The following SLC8A3 variants were observed in gnomAD, a reference collection of about 807,000 sequenced individuals.
The protein encoded by SLC8A3 is sodium/calcium exchanger 3.
In SLC8A3, 37 loss-of-function variants were observed where a neutral mutation model predicts 65.4. The ratio of observed to expected loss-of-function variants is 0.57; its 90% CI spans 0.44 to 0.74. SLC8A3 has a LOEUF of 0.74. Among genes scored for constraint, SLC8A3 ranks in the 30% least tolerant of loss-of-function variants. The pLI is 0.00. For synonymous variants in SLC8A3, 461 were observed against 444.5 expected (o/e 1.04, Z -0.47); for missense variants, 1,112 against 1,172.1 (o/e 0.95, Z 0.75).
chr14:70,046,105 T>C lies in SLC8A3; in HGVS notation c.2608A>G (p.Ile870Val), dbSNP rs1012692600. ...CGCCTTCGGTACAAGAGCACGCTGA[T>C]GCAGACAAATGCAAAGATGGTGAAG... Reference protein sequence around the residue: ...TLFTIFAFVCISVLLYRRRPH... With the variant: ...TLFTIFAFVCVSVLLYRRRPH... Residue 870 changes from isoleucine to valine, a missense_variant, in exon 7 of 7, where the codon ATC becomes GTC. By Grantham distance (29) the Ile-to-Val change is conservative. Transcript: ENST00000356921. This position sits in a 1 kb window ranked among gnomAD's most constrained non-coding sequence, Gnocchi z 4.2. The C allele has an allele frequency of 6.2e-7, 1 of 1,614,162 alleles. No individual in the cohort carries two copies. The highest frequency in any genetic ancestry group is 8.5e-7 in the Non-Finnish European group (1 of 1,179,990).
chr14:70,077,989 C>T (rs1461573980), intron 2 of SLC8A3, among the ~76,000 whole-genome samples: 1 of 152,174 alleles, frequency 6.6e-6, no homozygotes, highest in Non-Finnish European at 1.5e-5. Flanking sequence ...ATAAAATAAG[C>T]TTGGGAAAGC....
upstream of SLC8A3, among the ~76,000 whole-genome samples, chr14:70,189,293 G>A (rs564101279): frequency 2.9e-4 from 44 of 152,218 alleles, no homozygotes; most frequent in Non-Finnish European, 4.7e-4. Context: ...ACGTCAAAAC[G>A]GCGGCGCGTC....
intron 2 of SLC8A3, among the ~76,000 whole-genome samples, chr14:70,092,273 C>T (rs1455980180): frequency 1.3e-5 from 2 of 152,104 alleles, no homozygotes; most frequent in African/African-American, 2.4e-5. Flanking sequence ...CCTCATGACC[C>T]CCAGTCATTC....
chr14:70,123,754 T>C (rs1894242604), intron 2 of SLC8A3, among the ~76,000 whole-genome samples: 1 of 152,170 alleles, frequency 6.6e-6, no homozygotes, highest in Non-Finnish European at 1.5e-5. Context: ...CCAGCCCAGC[T>C]TTTTTTCTTT....
At chr14:70,072,203 C>A (rs945289111) in intron 2 of SLC8A3, among the ~76,000 whole-genome samples, 7 of 152,204 alleles carry the variant, frequency 4.6e-5, no homozygotes, top group Non-Finnish European at 1.0e-4. Flanking sequence ...GGGTACTCCT[C>A]TGCTTTCCTA....
intron 2 of SLC8A3, among the ~76,000 whole-genome samples, chr14:70,077,797 GT>G: frequency 6.6e-6 from 1 of 152,224 alleles, no homozygotes; most frequent in Non-Finnish European, 1.5e-5. Flanking sequence ...ATTCTCCTGA[GT>G]GCTGTTCCTT....
Position 70,048,914 on chromosome 14 carries a change from C to A in SLC8A3, c.2242G>T (p.Gly748Cys), listed in dbSNP as rs778865596. Residue 748 changes from glycine to cysteine, a missense_variant, in exon 6 of 7, where the codon GGC becomes TGC. Physicochemically the swap from Gly to Cys is radical, Grantham distance 159. Transcript: ENST00000356921. The stretch of plus-strand genomic sequence containing the variant: ...ATGGAGACGGCGAAGCAGGCCCAGC[C>A]GTGGCAGTACTCTGTGGGGGGCACA... ...ACVPPTEYCH[G>C]WACFAVSILI... 2 of 1,614,158 alleles carry A rather than the reference C, an allele frequency of 1.2e-6. No individual in the cohort carries two copies. The highest frequency in any genetic ancestry group is 2.2e-5 in the East Asian group (1 of 44,892).
rs200677601 is a variant in SLC8A3, at chr14:70,167,173, G to A, written c.1250C>T (p.Thr417Ile). 124 of 1,614,102 alleles carry A rather than the reference G, an allele frequency of 7.7e-5. 1 individual carries two copies. The Middle Eastern group carries it at 8.2e-4, about 11-fold the overall frequency. ...CATGTCTCCCCCTTTCCTCACCACTGTCAGGAGTACAGCCCCACAGTTCTC... is the reference window on the plus strand; with the variant it reads ...CATGTCTCCCCCTTTCCTCACCACTATCAGGAGTACAGCCCCACAGTTCTC... ...CLENCGAVLL[T>I]VVRKGGDMSK... The change falls in exon 2 of 7, where the codon ACA becomes ATA. Residue 417 changes from threonine to isoleucine, a missense_variant. Thr to Ile is a moderately conservative substitution (Grantham distance 89). Coordinates refer to ENST00000356921, the MANE Select transcript of SLC8A3 (RefSeq NM_182932.3).
intron 1 of SLC8A3, among the ~76,000 whole-genome samples, chr14:70,185,301 A>T (rs567255122): frequency 6.6e-6 from 1 of 152,222 alleles, no homozygotes; most frequent in Non-Finnish European, 1.5e-5. Context: ...CAATAGTTTG[A>T]AAAGAAGTCC....
chr14:70,169,689 A>AAAAG (rs1555384559), intron 1 of SLC8A3, among the ~76,000 whole-genome samples: 1 of 74,328 alleles, frequency 1.3e-5, no homozygotes, highest in African/African-American at 5.8e-5. Context: ...AAAAAAAAAA[A>AAAAG]GTGGGGGGGG....
At chr14:70,149,533 C>T (rs1205153270) in intron 2 of SLC8A3, among the ~76,000 whole-genome samples, 4 of 152,168 alleles carry the variant, frequency 2.6e-5, no homozygotes, top group African/African-American at 9.7e-5. Flanking sequence ...TGATCATTAA[C>T]AGGCCCGGGG....
intron 2 of SLC8A3, chr14:70,064,024 G>A (rs990035521): frequency 1.4e-6 from 1 of 696,714 alleles, no homozygotes; most frequent in African/African-American, 1.8e-5. Flanking sequence ...ACAGTTAAAA[G>A]ATTCAGAAAG....
chr14:70,135,917 A>G (rs574214290), intron 2 of SLC8A3, among the ~76,000 whole-genome samples: 80 of 152,358 alleles, frequency 5.3e-4, no homozygotes, highest in African/African-American at 1.8e-3. Context: ...CCCCAATCAA[A>G]GAAATGAGAA....
At chr14:70,093,804 A>C (rs7160327) in intron 2 of SLC8A3, among the ~76,000 whole-genome samples, 139,616 of 152,266 alleles carry the variant, frequency 0.92, 64,075 homozygotes, top group East Asian at 1. Flanking sequence ...TCTGCTCAGT[A>C]TTTGGTCATG....
At chr14:70,180,206 T>C (rs965586215) in intron 1 of SLC8A3, among the ~76,000 whole-genome samples, 1 of 152,236 alleles carries the variant, frequency 6.6e-6, no homozygotes, top group Non-Finnish European at 1.5e-5. Flanking sequence ...CTCCTTTATG[T>C]ACATATTTCT....
chr14:70,045,842 G>A lies in SLC8A3; in HGVS notation c.*105C>T. 1 of 1,185,002 alleles carries A rather than the reference G, an allele frequency of 8.4e-7. No homozygotes were observed. The highest frequency in any genetic ancestry group is 1.8e-5 in the South Asian group (1 of 56,912). The allele number at this position is 1,185,002 out of a possible 1,614,324, so 73.4% of individuals were successfully genotyped here. A position where few individuals can be genotyped will look rare whatever the true frequency, so the allele number is the denominator to read the frequency against. ...AAGTTCCTGGGGCTTAGGTCCTGAT[G>A]CTGCCTCTCCAGGGCAGTGCAGTCG... is the stretch of plus-strand genomic sequence containing the variant. On this transcript the variant is annotated 3_prime_UTR_variant, in exon 7 of 7. Transcript: ENST00000356921.
intron 2 of SLC8A3, among the ~76,000 whole-genome samples, chr14:70,106,795 C>A (rs1316326522): frequency 6.6e-6 from 1 of 152,052 alleles, no homozygotes; most frequent in Non-Finnish European, 1.5e-5. Context: ...TGTCTATATT[C>A]CTACCAAATT....
chr14:70,189,130 C>T (rs140381706), upstream of SLC8A3: 478 of 152,464 alleles, frequency 3.1e-3, 2 homozygotes, highest in Middle Eastern at 0.01. Flanking sequence ...TCTCAGAACG[C>T]TCCTCGACCA....
At chr14:70,069,523 C>G (rs187438499) in intron 2 of SLC8A3, among the ~76,000 whole-genome samples, 9 of 152,038 alleles carry the variant, frequency 5.9e-5, no homozygotes, top group Middle Eastern at 3.4e-3. Context: ...GAGCTGCGAA[C>G]CTTTCCATGG....
Sources: allele counts gnomAD v4.1 joint callset (sites outside exome capture counted in the v4.1 genomes callset), GRCh38; gene constraint gnomAD v4.1.1; non-coding constraint Gnocchi (gnomAD v3.1); transcripts MANE v1.5; gene names NCBI Gene and HGNC (gene_info 2026-07-23, HGNC 2026-07-21).